YWHAB: variants seen among roughly 807,000 people sequenced by gnomAD.
YWHAB encodes the protein tyrosine 3-monooxygenase/tryptophan 5-monooxygenase activation protein beta.
Under a neutral mutation model 28.5 loss-of-function variants are expected in YWHAB, and 2 were observed. That is an observed-to-expected ratio of 0.07 (90% CI 0.03 to 0.22). The LOEUF is 0.22. YWHAB is among the 10% of genes least tolerant of loss of function. The probability of loss-of-function intolerance (pLI) is 1.00; values close to 1 mark genes in which losing one functional copy is unlikely to be tolerated. For missense variants in YWHAB, 148 were observed against 297.1 expected (o/e 0.50, Z 3.69); for synonymous variants, 103 against 104.7 (o/e 0.98, Z 0.10).
chr20:44,901,767 G>A lies in YWHAB; in HGVS notation c.234G>A (p.Gln78=), dbSNP rs759933159. ...AAACAGAGAGGAATGAGAAGAAGCA[G>A]CAGATGGGCAAAGAGTACCGTGAGA... is the stretch of plus-strand genomic sequence containing the variant. ...EQKTERNEKK[Q]QMGKEYREKI... Residue 78 remains glutamine, a synonymous_variant, in exon 2 of 6, where the codon CAG becomes CAA. Transcript: ENST00000353703. The A allele has an allele frequency of 6.2e-7, 1 of 1,613,534 alleles. No homozygotes were observed. The highest frequency in any genetic ancestry group is 2.2e-5 in the East Asian group (1 of 44,870).
intron 1 of YWHAB, chr20:44,887,103 T>G (rs1359863382): frequency 6.6e-6 from 1 of 152,222 alleles, no homozygotes; most frequent in Non-Finnish European, 1.5e-5. Context: ...TTTGGAAATG[T>G]GTATAAGTAT....
chr20:44,893,923 C>T (rs766984213), intron 1 of YWHAB, among the ~76,000 whole-genome samples: 16 of 152,150 alleles, frequency 1.1e-4, no homozygotes, highest in East Asian at 1.9e-4. Flanking sequence ...TCTCGAACTC[C>T]TGACTTCAGG....
In YWHAB at chr20:44,901,725, C is replaced by G. The variant is rs768913881; in HGVS notation, c.192C>G (p.Ile64Met). 1.2e-6 allele frequency: 2 copies of G among 1,614,134 alleles called. No homozygotes were observed. Among genetic ancestry groups the G allele is most frequent in the East Asian group, 4.5e-5 (2 of 44,884 alleles). The stretch of plus-strand genomic sequence containing the variant: ...CCCGCCGCTCTTCCTGGCGTGTCAT[C>G]TCCAGCATTGAGCAGAAAACAGAGA... Reference protein sequence around the residue: ...VGARRSSWRVISSIEQKTERN... With the variant: ...VGARRSSWRVMSSIEQKTERN... The change falls in exon 2 of 6, where the codon ATC becomes ATG. Residue 64 changes from isoleucine to methionine, a missense_variant. Around this residue, in one of 2 missense-constraint regions of YWHAB, gnomAD observed 110 missense variants for 177.9 expected, o/e 0.62. Transcript: ENST00000353703.
At chr20:44,888,181 C>T (rs536766984) in intron 1 of YWHAB, among the ~76,000 whole-genome samples, 1 of 152,236 alleles carries the variant, frequency 6.6e-6, no homozygotes, top group African/African-American at 2.4e-5. Context: ...TGAATATACA[C>T]GTGTATAGAT....
intron 1 of YWHAB, among the ~76,000 whole-genome samples, chr20:44,900,140 T>A (rs921852797): frequency 6.6e-6 from 1 of 152,048 alleles, no homozygotes; most frequent in Non-Finnish European, 1.5e-5. Flanking sequence ...CCTGGAACTC[T>A]GGGCTCAAGT....
chr20:44,896,452 T>A (rs2066596448), intron 1 of YWHAB, among the ~76,000 whole-genome samples: 1 of 152,312 alleles, frequency 6.6e-6, no homozygotes, highest in East Asian at 1.9e-4. Context: ...TAGAAAAGCA[T>A]ACTTTGTATG....
chr20:44,894,221 A>C (rs1439574969), intron 1 of YWHAB, among the ~76,000 whole-genome samples: 1 of 152,194 alleles, frequency 6.6e-6, no homozygotes, highest in Non-Finnish European at 1.5e-5. Flanking sequence ...CAGCACAAGG[A>C]AAATCTCTTG....
rs145761432 is a variant in YWHAB, at chr20:44,889,036, AGAGAATGAACTAAAATTTCCT to A, written c.-4+3151_-4+3171del. Among the ~76,000 whole-genome samples the A allele has an allele frequency of 7.8e-3, 1,192 of 152,336 alleles. 12 individuals are homozygous for A. The highest frequency in any genetic ancestry group is 0.027 in the African/African-American group (1,124 of 41,578). ...GTTTTCCTTTAAATGCTGGTACCTT[AGAGAATGAACTAAAATTTCCT>A]TGTAGAGATACTTTTAAGTTCCTTG... On this transcript the variant is annotated intron_variant, in intron 1 of 5. Coordinates refer to ENST00000353703, the MANE Select transcript of YWHAB (RefSeq NM_139323.4).
intron 1 of YWHAB, among the ~76,000 whole-genome samples, chr20:44,890,276 G>C (rs910177056): frequency 6.6e-6 from 1 of 152,200 alleles, no homozygotes; most frequent in African/African-American, 2.4e-5. Flanking sequence ...AAAATGTATA[G>C]TGTTGCTCCT....
chr20:44,898,674 T>C (rs2066609464), intron 1 of YWHAB, among the ~76,000 whole-genome samples: 1 of 151,858 alleles, frequency 6.6e-6, no homozygotes, highest in African/African-American at 2.4e-5. Context: ...GCCCAGCTAA[T>C]TTTTTGTTTT....
In YWHAB at chr20:44,885,755, C is replaced by T; in HGVS notation, c.-135C>T. 2.0e-5 allele frequency: 2 copies of T among 97,622 alleles called. No individual in the cohort carries two copies. Among genetic ancestry groups the T allele is most frequent in the Non-Finnish European group, 3.7e-5 (2 of 53,570 alleles). 6.0% of individuals were successfully genotyped at this position (97,622 alleles called of 1,614,324 possible). On this transcript the variant is annotated 5_prime_UTR_variant, in exon 1 of 6. Coordinates refer to ENST00000353703, the MANE Select transcript of YWHAB (RefSeq NM_139323.4). The stretch of plus-strand genomic sequence containing the variant: ...CCGCCGATTCCGGAGCCGGGGTAGT[C>T]GCCGCCGCCGCCGCCGCTGCAGCCA...
In YWHAB at chr20:44,906,500, G is replaced by A; in HGVS notation, c.*62G>A. On this transcript the variant is annotated 3_prime_UTR_variant, in exon 6 of 6. Transcript: ENST00000353703. ...TGTACCCTCAACATATATCCCTTGT[G>A]CGATAAAAAAAAAAAAAAAAAAAAA... The A allele has an allele frequency of 1.2e-6, 1 of 831,816 alleles. No individual in the cohort carries two copies. Among genetic ancestry groups the A allele is most frequent in the Non-Finnish European group, 1.6e-6 (1 of 609,864 alleles). The allele number at this position is 831,816 out of a possible 1,614,324, so 51.5% of individuals were successfully genotyped here. A position where few individuals can be genotyped will look rare whatever the true frequency, so the allele number is the denominator to read the frequency against.
At chr20:44,906,290 A>T in intron 5 of YWHAB, 92 bp from the exon 6 acceptor site, 2 of 1,367,778 alleles carry the variant, frequency 1.5e-6, no homozygotes. Context: ...ATAATTTTAA[A>T]CTGTCGAGTG....
chr20:44,906,172 G>A, intron 5 of YWHAB, 76 bp downstream of exon 5: 1 of 1,308,776 alleles, frequency 7.6e-7, no homozygotes. Context: ...TCTTCAAGAG[G>A]GGATTTGTAC....
intron 1 of YWHAB, among the ~76,000 whole-genome samples, chr20:44,892,583 TGTTA>T (rs1167927589): frequency 6.6e-6 from 1 of 152,222 alleles, no homozygotes; most frequent in Non-Finnish European, 1.5e-5. Context: ...TTTTTCATTT[TGTTA>T]GTTATTTCAA....
chr20:44,891,298 G>T (rs1054881256), intron 1 of YWHAB, among the ~76,000 whole-genome samples: 1 of 152,052 alleles, frequency 6.6e-6, no homozygotes, highest in South Asian at 2.1e-4. Context: ...TAGAGACGGG[G>T]TTTCACCATG....
chr20:44,891,147 C>T (rs2066559333), intron 1 of YWHAB, among the ~76,000 whole-genome samples: 1 of 151,818 alleles, frequency 6.6e-6, no homozygotes, highest in African/African-American at 2.4e-5. Context: ...TTCACAGAGT[C>T]TTGCTCTGTC....
intron 1 of YWHAB, among the ~76,000 whole-genome samples, chr20:44,898,391 G>A (rs1423883074): frequency 6.6e-6 from 1 of 152,050 alleles, no homozygotes; most frequent in Non-Finnish European, 1.5e-5. Flanking sequence ...ATCTTATTGT[G>A]CTCCCTAAAA....
In YWHAB at chr20:44,906,569, T is replaced by C; in HGVS notation, c.*131T>C. The C allele has an allele frequency of 1.3e-6, 1 of 753,940 alleles. No homozygotes were observed. The highest frequency in any genetic ancestry group is 2.0e-6 in the Non-Finnish European group (1 of 504,278). The allele number at this position is 753,940 out of a possible 1,614,324, so 46.7% of individuals were successfully genotyped here. A position where few individuals can be genotyped will look rare whatever the true frequency, so the allele number is the denominator to read the frequency against. On this transcript the variant is annotated 3_prime_UTR_variant, in exon 6 of 6. Transcript: ENST00000353703. ...CTTTCGATTTTTCACAGCCTCAGCC[T>C]AGGAAAAATGGTTCATGGGATAAAC...
Sources: gnomAD v4.1 joint callset for allele counts (sites outside exome capture counted in the v4.1 genomes callset) on GRCh38, gnomAD v4.1.1 for gene constraint, gnomAD v4.1.1 regional missense constraint, MANE v1.5 for transcripts, NCBI Gene and HGNC (gene_info 2026-07-23, HGNC 2026-07-21) for gene names.